AIG1: variants seen among roughly 807,000 people sequenced by gnomAD.
The protein encoded by AIG1 is androgen-induced gene 1 protein.
AIG1 carries 23 observed loss-of-function variants against 31.4 expected under a neutral mutation model. The ratio of observed to expected loss-of-function variants is 0.73; its 90% CI spans 0.53 to 1.04. The LOEUF (loss-of-function observed/expected upper bound fraction) is 1.04. Ranked by LOEUF, AIG1 falls within the 50% of genes least tolerant of loss-of-function variation. The probability of loss-of-function intolerance (pLI) is 0.00; values close to 1 mark genes in which losing one functional copy is unlikely to be tolerated. For synonymous variants in AIG1, 100 were observed against 110.5 expected (o/e 0.90, Z 0.60); for missense variants, 274 against 295.0 (o/e 0.93, Z 0.52).
At chr6:143,281,916 T>G (rs1157034360) in intron 3 of AIG1, among the ~76,000 whole-genome samples, 1 of 152,204 alleles carries the variant, frequency 6.6e-6, no homozygotes, top group Non-Finnish European at 1.5e-5. Context: ...TTGCTCCTGT[T>G]TAGTGGTGAT....
chr6:143,106,922 T>C (rs111949983), intron 1 of AIG1, among the ~76,000 whole-genome samples: 56 of 152,284 alleles, frequency 3.7e-4, no homozygotes, highest in African/African-American at 1.3e-3. Context: ...GGGCCTCTTT[T>C]ATAAGGACAC....
rs141277254 is a variant in AIG1 at position 143,320,914 on chromosome 6, C to T, written c.516-12368C>T. Among the ~76,000 whole-genome samples the T allele has an allele frequency of 7.9e-3, 1,195 of 151,776 alleles. 14 individuals carry two copies. The highest frequency in any genetic ancestry group is 0.027 in the African/African-American group (1,105 of 41,360). Reference sequence around the variant, plus strand: ...TTGGCTCACCGCGACTTCTGTCTCCCGAGTTCAAGCGATTCTCCTGCCTCA... The same window carrying T: ...TTGGCTCACCGCGACTTCTGTCTCCTGAGTTCAAGCGATTCTCCTGCCTCA... On this transcript the variant is annotated intron_variant, in intron 4 of 5. Transcript: ENST00000357847.
rs1777242060 is a variant in AIG1, at chr6:143,333,456, T to C, written c.679+11T>C. The C allele has an allele frequency of 6.2e-7, 1 of 1,610,780 alleles. No individual in the cohort carries two copies. The highest frequency in any genetic ancestry group is 8.5e-7 in the Non-Finnish European group (1 of 1,178,870). ...GGGATACACAGAAAAGTAAGTATTG[T>C]CTGAGGGAACATAAAACAAGAGAAT... On this transcript the variant is annotated intron_variant, in intron 5 of 5. Transcript: ENST00000357847. This position sits in a 1 kb window ranked among gnomAD's most constrained non-coding sequence, Gnocchi z 4.6.
chr6:143,274,673 G>GGTGA (rs1796768190), intron 3 of AIG1, among the ~76,000 whole-genome samples: 1 of 151,676 alleles, frequency 6.6e-6, no homozygotes, highest in Admixed American at 6.6e-5. Flanking sequence ...GTATTTATTG[G>GGTGA]ATGAATGAAT....
At chr6:143,065,817 A>G (rs1776650888) in intron 1 of AIG1, among the ~76,000 whole-genome samples, 1 of 152,200 alleles carries the variant, frequency 6.6e-6, no homozygotes, top group African/African-American at 2.4e-5. Flanking sequence ...TTCTTTGAAA[A>G]CCATGAACTG....
chr6:143,322,149 G>A (rs1362933380), intron 4 of AIG1, among the ~76,000 whole-genome samples: 1 of 148,044 alleles, frequency 6.8e-6, no homozygotes, highest in Non-Finnish European at 1.5e-5. Flanking sequence ...GGAGGTTGGT[G>A]ATGAGAGAGA....
At chr6:143,208,488 G>T (rs1791304618) in intron 3 of AIG1, among the ~76,000 whole-genome samples, 1 of 152,132 alleles carries the variant, frequency 6.6e-6, no homozygotes, top group South Asian at 2.1e-4. Flanking sequence ...ATATAATCAG[G>T]GGCAGGAAGG....
chr6:143,225,932 C>T (rs1792912432), intron 3 of AIG1, among the ~76,000 whole-genome samples: 1 of 152,108 alleles, frequency 6.6e-6, no homozygotes, highest in South Asian at 2.1e-4. Flanking sequence ...GTCAATAACA[C>T]ATATACTTTT....
intron 1 of AIG1, among the ~76,000 whole-genome samples, chr6:143,130,258 T>C (rs1783094102): frequency 6.6e-6 from 1 of 152,100 alleles, no homozygotes; most frequent in South Asian, 2.1e-4. Flanking sequence ...ATTAAAGTTA[T>C]CTTTTTATTG....
intron 3 of AIG1, among the ~76,000 whole-genome samples, chr6:143,250,779 A>G (rs928980536): frequency 6.6e-6 from 1 of 152,196 alleles, no homozygotes; most frequent in Admixed American, 6.5e-5. Context: ...AATGCACCCC[A>G]ACACAAATTT....
intron 1 of AIG1, among the ~76,000 whole-genome samples, chr6:143,105,476 C>T (rs1697601147): frequency 6.6e-6 from 1 of 152,186 alleles, no homozygotes; most frequent in Non-Finnish European, 1.5e-5. Flanking sequence ...AGTATCATAG[C>T]TGGAATGCTT....
chr6:143,238,819 A>C (rs545584704), intron 3 of AIG1, among the ~76,000 whole-genome samples: 1 of 152,358 alleles, frequency 6.6e-6, no homozygotes, highest in African/African-American at 2.4e-5. Context: ...CTAAAAGGGA[A>C]AAGTAGGGGA....
In AIG1 at chr6:143,288,151, C is replaced by T. The variant is rs776804764; in HGVS notation, c.515+3926C>T. On this transcript the variant is annotated intron_variant, in intron 4 of 5. Transcript: ENST00000357847. This position sits in a 1 kb window ranked among gnomAD's most constrained non-coding sequence, Gnocchi z 4.4. ...TCCCGGGCTGGCTCCACCCTCACTT[C>T]CAAGCACCTGGAATCCTTGTCTCTG... Among the ~76,000 whole-genome samples the T allele has an allele frequency of 6.6e-6, 1 of 152,114 alleles. No individual in the cohort carries two copies. The highest frequency in any genetic ancestry group is 1.5e-5 in the Non-Finnish European group (1 of 68,020).
At chr6:143,165,840 A>C (rs893514229) in intron 3 of AIG1, among the ~76,000 whole-genome samples, 3 of 152,204 alleles carry the variant, frequency 2.0e-5, no homozygotes, top group African/African-American at 4.8e-5. Context: ...GATGGTTTCC[A>C]CATCATTTTA....
chr6:143,206,702 T>C (rs1791137081), intron 3 of AIG1, among the ~76,000 whole-genome samples: 1 of 152,050 alleles, frequency 6.6e-6, no homozygotes, highest in Non-Finnish European at 1.5e-5. Context: ...AGCATAGAGG[T>C]CTTTAATTTA....
At chr6:143,111,827 C>T (rs1185669544) in intron 1 of AIG1, among the ~76,000 whole-genome samples, 1 of 152,188 alleles carries the variant, frequency 6.6e-6, no homozygotes, top group East Asian at 1.9e-4. Context: ...AAACATCCAA[C>T]TCGTCTTCCT....
chr6:143,272,809 A>G (rs1388217805), intron 3 of AIG1, among the ~76,000 whole-genome samples: 3 of 151,132 alleles, frequency 2.0e-5, no homozygotes, highest in Non-Finnish European at 4.4e-5. Flanking sequence ...AGGCAATGCC[A>G]AGAAACTTGG....
chr6:143,303,515 TG>T (rs1385958974), intron 4 of AIG1, among the ~76,000 whole-genome samples: 1 of 152,248 alleles, frequency 6.6e-6, no homozygotes, highest in Non-Finnish European at 1.5e-5. Flanking sequence ...TTCTCAGATT[TG>T]TCAAAGATTA....
At chr6:143,061,203 C>T (rs774632475) in intron 1 of AIG1, 137 bp downstream of exon 1, 2 of 1,084,912 alleles carry the variant, frequency 1.8e-6, no homozygotes, top group Non-Finnish European at 2.8e-6. Flanking sequence ...GTGTCCTCGC[C>T]TCTTCCCCAG....
Sources: gnomAD v4.1 joint callset for allele counts (sites outside exome capture counted in the v4.1 genomes callset) on GRCh38, gnomAD v4.1.1 for gene constraint, Gnocchi (gnomAD v3.1) non-coding constraint, MANE v1.5 for transcripts, NCBI Gene and HGNC (gene_info 2026-07-23, HGNC 2026-07-21) for gene names.